SRBD1: variants seen among roughly 807,000 people sequenced by gnomAD.
The protein encoded by SRBD1 is S1 RNA-binding domain-containing protein 1.
Under a neutral mutation model 115.3 loss-of-function variants are expected in SRBD1, and 88 were observed. The ratio of observed to expected loss-of-function variants is 0.76; its 90% CI spans 0.64 to 0.91. The LOEUF (loss-of-function observed/expected upper bound fraction) is 0.91, where lower values mean the gene tolerates loss of function less well. Among genes scored for constraint, SRBD1 ranks in the 40% least tolerant of loss-of-function variants. SRBD1 has a pLI of 0.00. For synonymous variants in SRBD1, 509 were observed against 407.7 expected, an observed-to-expected ratio of 1.25 and a Z score of -2.99; for missense variants, 1,385 against 1,177.4, an observed-to-expected ratio of 1.18 and a Z score of -2.58.
chr2:45,514,023 G>T (rs1439632592), intron 14 of SRBD1, among the ~76,000 whole-genome samples: 1 of 152,096 alleles, frequency 6.6e-6, no homozygotes, highest in African/African-American at 2.4e-5. Context: ...TCAGTTTTCA[G>T]TTCAGTTTCC....
intron 1 of SRBD1, among the ~76,000 whole-genome samples, chr2:45,608,184 G>C (rs957043134): frequency 2.0e-5 from 3 of 152,158 alleles, no homozygotes; most frequent in East Asian, 3.8e-4. Flanking sequence ...CTTAAAGAAG[G>C]CTCCCCTAAA....
intron 14 of SRBD1, among the ~76,000 whole-genome samples, chr2:45,536,952 C>A (rs1671781550): frequency 1.3e-5 from 2 of 152,284 alleles, no homozygotes; most frequent in South Asian, 4.1e-4. Context: ...CAACCCAGTA[C>A]ACATATATAC....
At position 45,574,683 on chromosome 2, in the gene SRBD1, A is replaced by G. The variant is rs772529524; in HGVS notation, c.1113T>C (p.His371=). 1 of 1,613,880 alleles carries G rather than the reference A, an allele frequency of 6.2e-7. No individual in the cohort carries two copies. The highest frequency in any genetic ancestry group is 8.5e-7 in the Non-Finnish European group (1 of 1,179,874). ...TLQDIEIGVQ[H]ILADMIAKDK... ...CTTTAGCAATCATATCTGCTAAAAT[A>G]TGCTGCACTCCTATTTCAATATCCT... is the stretch of plus-strand genomic sequence containing the variant. The change falls in exon 8 of 21, where the codon CAT becomes CAC. Residue 371 remains histidine, a synonymous_variant. Transcript: ENST00000263736.
chr2:45,478,841 T>C (rs904804972), intron 15 of SRBD1, among the ~76,000 whole-genome samples: 1 of 152,200 alleles, frequency 6.6e-6, no homozygotes, highest in Non-Finnish European at 1.5e-5. Context: ...CCTCATTGTA[T>C]TGCATTTTGC....
chr2:45,562,931 A>C (rs1406361104), intron 9 of SRBD1, among the ~76,000 whole-genome samples, 175 bp from the exon 10 acceptor site: 1 of 152,178 alleles, frequency 6.6e-6, no homozygotes, highest in Non-Finnish European at 1.5e-5. Context: ...CATAAGGAAA[A>C]CCCTAACATG....
chr2:45,391,834 T>C (rs1014454), intron 20 of SRBD1, among the ~76,000 whole-genome samples: 64,355 of 151,992 alleles, frequency 0.42, 14,208 homozygotes, highest in Non-Finnish European at 0.49. Context: ...AAGATGGATG[T>C]GAAAAATCCA....
intron 4 of SRBD1, among the ~76,000 whole-genome samples, chr2:45,586,113 G>C (rs1214322658): frequency 2.0e-5 from 3 of 152,170 alleles, no homozygotes; most frequent in African/African-American, 7.2e-5. Flanking sequence ...GTCAGCATGA[G>C]AGCAAAGGAA....
In SRBD1 at chr2:45,599,686, T is replaced by C. The variant is rs1381636530; in HGVS notation, c.411A>G (p.Glu137=). The C allele has an allele frequency of 6.2e-7, 1 of 1,614,132 alleles. No homozygotes were observed. Among genetic ancestry groups the C allele is most frequent in the East Asian group, 2.2e-5 (1 of 44,898 alleles). The change falls in exon 4 of 21, where the codon GAA becomes GAG. Residue 137 remains glutamate (E), a synonymous_variant. Coordinates refer to ENST00000263736, the MANE Select transcript of SRBD1 (RefSeq NM_018079.5). ...CTAAGTTGCTGGCTTTGCTGGTTTC[T>C]TCTTCAACTTTCAGCTTTTTAGTCC... ...VRRTKKLKVE[E]ETSKASNLEG...
chr2:45,597,351 C>G (rs1673935295), intron 4 of SRBD1, among the ~76,000 whole-genome samples: 1 of 150,426 alleles, frequency 6.6e-6, no homozygotes, highest in African/African-American at 2.5e-5. Flanking sequence ...ACCTGGGAGG[C>G]AGAGGTTGCA....
chr2:45,456,534 AT>A lies in SRBD1; in HGVS notation c.2049+20458del, dbSNP rs907849217. Among the ~76,000 whole-genome samples, 13 of 152,090 alleles carry A rather than the reference AT, an allele frequency of 8.5e-5. No homozygotes were observed. In the Middle Eastern group the frequency reaches 0.014, roughly 159 times the overall value. The stretch of plus-strand genomic sequence containing the variant: ...ACTGTCATATAACCAATGTTAAAAA[AT>A]ATATTGTTTCAGACTTGCTAATACA... On this transcript the variant is annotated intron_variant, in intron 16 of 20. Coordinates refer to ENST00000263736, the MANE Select transcript of SRBD1 (RefSeq NM_018079.5).
At position 45,443,942 on chromosome 2, in the gene SRBD1, G is replaced by A. The variant is rs1196091279; in HGVS notation, c.2050-24048C>T. Among the ~76,000 whole-genome samples the A allele has an allele frequency of 2.0e-5, 3 of 151,826 alleles. No individual in the cohort carries two copies. The East Asian group carries it at 5.8e-4, about 29-fold the overall frequency. Reference sequence around the variant, plus strand: ...CTTTAATGACAGGTACTCCATAAATGTCTATTACAGGGCTGAATTTCCAGA... The same window carrying A: ...CTTTAATGACAGGTACTCCATAAATATCTATTACAGGGCTGAATTTCCAGA... On this transcript the variant is annotated intron_variant, in intron 16 of 20. Transcript: ENST00000263736.
intron 6 of SRBD1, among the ~76,000 whole-genome samples, chr2:45,580,624 G>A (rs1299132939): frequency 3.5e-4 from 51 of 145,236 alleles, no homozygotes; most frequent in African/African-American, 1.2e-3. Context: ...CTCCCAAAGT[G>A]CTGGGATTAC....
rs191812898 is a variant in SRBD1, at chr2:45,501,444, C to T, written c.1875-13113G>A. Among the ~76,000 whole-genome samples, 108 of 152,188 alleles carry T rather than the reference C, an allele frequency of 7.1e-4. 1 individual carries two copies. The East Asian group carries it at 0.021, about 29-fold the overall frequency. Reference sequence around the variant, plus strand: ...CTGGGTTCATCTCACTGGGGCTTGTCGGACAGTGGGTGCAGCCCACCAAGC... The same window carrying T: ...CTGGGTTCATCTCACTGGGGCTTGTTGGACAGTGGGTGCAGCCCACCAAGC... On this transcript the variant is annotated intron_variant, in intron 14 of 20. Coordinates refer to ENST00000263736, the MANE Select transcript of SRBD1 (RefSeq NM_018079.5).
chr2:45,534,911 T>A (rs1334771390), intron 14 of SRBD1, among the ~76,000 whole-genome samples: 2 of 151,936 alleles, frequency 1.3e-5, no homozygotes, highest in Admixed American at 1.3e-4. Context: ...ATTATTCTGA[T>A]AAAGTCACCC....
At chr2:45,403,273 T>C (rs559296430) in intron 19 of SRBD1, among the ~76,000 whole-genome samples, 56 of 152,226 alleles carry the variant, frequency 3.7e-4, no homozygotes, top group Admixed American at 3.5e-3. Context: ...ATGATCTATG[T>C]GTTCTACCAA....
In SRBD1 at chr2:45,601,929, C is replaced by G. The variant is rs1440945569; in HGVS notation, c.235G>C (p.Glu79Gln). The G allele has an allele frequency of 6.2e-7, 1 of 1,614,212 alleles. No individual in the cohort carries two copies. Among genetic ancestry groups the G allele is most frequent in the Non-Finnish European group, 8.5e-7 (1 of 1,180,022 alleles). The change falls in exon 3 of 21, where the codon GAA becomes CAA. Residue 79 changes from glutamate to glutamine, a missense_variant. Coordinates refer to ENST00000263736, the MANE Select transcript of SRBD1 (RefSeq NM_018079.5). ...KNAPQISDGS[E>Q]VVVVKEELNS... ...AGCTCCTCCTTAACAACAACGACTT[C>G]TGAGCCATCACTGATCTGTGGGGCA...
intron 15 of SRBD1, among the ~76,000 whole-genome samples, chr2:45,485,579 G>A (rs1003497476): frequency 6.6e-6 from 1 of 152,134 alleles, no homozygotes. Flanking sequence ...CATGCATTGT[G>A]GGGGAATATA....
At chr2:45,421,853 C>A (rs1395295470) in intron 16 of SRBD1, among the ~76,000 whole-genome samples, 1 of 152,036 alleles carries the variant, frequency 6.6e-6, no homozygotes, top group African/African-American at 2.4e-5. Context: ...ACTAGCCAGG[C>A]CGCAGCTAAA....
intron 14 of SRBD1, among the ~76,000 whole-genome samples, chr2:45,494,493 T>C (rs1338128648): frequency 2.0e-5 from 3 of 152,148 alleles, no homozygotes; most frequent in African/African-American, 4.8e-5. Context: ...GACATCATTA[T>C]GATAACATAA....
Sources: allele counts gnomAD v4.1 joint callset (sites outside exome capture counted in the v4.1 genomes callset), GRCh38; gene constraint gnomAD v4.1.1; transcripts MANE v1.5; gene names NCBI Gene and HGNC (gene_info 2026-07-23, HGNC 2026-07-21).